Variants in MGAT4C observed in about 807,000 individuals in gnomAD.
MGAT4C encodes the protein alpha-1,3-mannosyl-glycoprotein 4-beta-N-acetylglucosaminyltransferase C.
In MGAT4C, 19 loss-of-function variants were observed where a neutral mutation model predicts 40.1. The observed-to-expected ratio is 0.47, with a 90% CI of 0.33 to 0.70. The LOEUF is 0.70. Among genes scored for constraint, MGAT4C ranks in the 30% least tolerant of loss-of-function variants. MGAT4C has a pLI of 0.02. For synonymous variants in MGAT4C, 181 were observed against 187.1 expected (o/e 0.97, Z 0.27); for missense variants, 491 against 563.2 (o/e 0.87, Z 1.30).
chr12:86,362,847 A>C (rs1955510247), intron 3 of MGAT4C, among the ~76,000 whole-genome samples: 3 of 137,148 alleles, frequency 2.2e-5, no homozygotes, highest in African/African-American at 8.4e-5. Context: ...CGCCTGGGTG[A>C]CAGAGCGAGA....
At chr12:86,050,159 A>G (rs867075923) in intron 1 of MGAT4C, among the ~76,000 whole-genome samples, 2 of 152,014 alleles carry the variant, frequency 1.3e-5, no homozygotes, top group African/African-American at 2.4e-5. Context: ...AAAGGTGCAC[A>G]GGCTAGTCTG....
chr12:86,660,553 C>A (rs889561960), intron 2 of MGAT4C, among the ~76,000 whole-genome samples: 1 of 152,048 alleles, frequency 6.6e-6, no homozygotes, highest in African/African-American at 2.4e-5. Flanking sequence ...TTTAAATTTT[C>A]TACAACATAA....
chr12:86,131,957 T>C (rs1474293549), intron 1 of MGAT4C, among the ~76,000 whole-genome samples: 1 of 152,120 alleles, frequency 6.6e-6, no homozygotes, highest in Non-Finnish European at 1.5e-5. Flanking sequence ...AAAACGAGAA[T>C]AGATAACACT....
intron 1 of MGAT4C, among the ~76,000 whole-genome samples, chr12:86,805,568 T>C (rs1357233343): frequency 6.6e-6 from 1 of 152,032 alleles, no homozygotes; most frequent in Admixed American, 6.6e-5. Context: ...TATGGCTGCA[T>C]AGAATTCCAT....
rs1393444493 is a variant in MGAT4C, at chr12:86,023,614, A to ATG, written c.-7+26058_-7+26059dup. Among the ~76,000 whole-genome samples the ATG allele has an allele frequency of 2.7e-5, 4 of 148,432 alleles. No homozygotes were observed. In the East Asian group the frequency reaches 7.8e-4, roughly 29 times the overall value. On this transcript the variant is annotated intron_variant, in intron 2 of 4. Coordinates refer to ENST00000611864, the MANE Select transcript of MGAT4C (RefSeq NM_001351288.2). The stretch of plus-strand genomic sequence containing the variant: ...ATTATATAAATACTTACGTAATCAT[A>ATG]TGTTTATATTTTACAAATATTTATT...
intron 1 of MGAT4C, among the ~76,000 whole-genome samples, chr12:86,102,200 C>G (rs1231735085): frequency 2.0e-5 from 3 of 151,758 alleles, no homozygotes; most frequent in African/African-American, 4.8e-5. Flanking sequence ...CAACAAATAC[C>G]TGCATATTGA....
chr12:86,700,584 G>T (rs1308081684), intron 2 of MGAT4C, among the ~76,000 whole-genome samples: 1 of 152,004 alleles, frequency 6.6e-6, no homozygotes, highest in African/African-American at 2.4e-5. Flanking sequence ...TCAAGAAAAG[G>T]TTACGTATGT....
intron 1 of MGAT4C, among the ~76,000 whole-genome samples, chr12:86,736,613 G>A (rs747104772): frequency 6.6e-6 from 1 of 151,670 alleles, no homozygotes; most frequent in Non-Finnish European, 1.5e-5. Flanking sequence ...TCTCCTTTAA[G>A]ATCATGAGCA....
intron 2 of MGAT4C, among the ~76,000 whole-genome samples, chr12:86,711,120 C>G (rs1266949726): frequency 6.6e-6 from 1 of 152,070 alleles, no homozygotes. Flanking sequence ...ACCAAAATCT[C>G]AGAAATCACC....
intron 1 of MGAT4C, among the ~76,000 whole-genome samples, chr12:86,194,197 A>G (rs1461751031): frequency 6.6e-6 from 1 of 152,166 alleles, no homozygotes; most frequent in Non-Finnish European, 1.5e-5. Flanking sequence ...AAGTCTGCTG[A>G]CAGTATCGTA....
chr12:86,391,789 G>A (rs1956165173), intron 3 of MGAT4C, among the ~76,000 whole-genome samples: 1 of 152,124 alleles, frequency 6.6e-6, no homozygotes, highest in Non-Finnish European at 1.5e-5. Context: ...GAACCCGGGA[G>A]GCGGAGCTTG....
intron 3 of MGAT4C, among the ~76,000 whole-genome samples, chr12:86,381,760 A>C (rs1232914739): frequency 1.3e-5 from 2 of 152,148 alleles, no homozygotes; most frequent in African/African-American, 4.8e-5. Flanking sequence ...CTCATCTTGA[A>C]TTCCCATGTG....
intron 2 of MGAT4C, among the ~76,000 whole-genome samples, chr12:86,515,381 A>G (rs1958665067): frequency 6.6e-6 from 1 of 152,198 alleles, no homozygotes; most frequent in South Asian, 2.1e-4. Flanking sequence ...TATACAAAAA[A>G]ATTCTACAGA....
chr12:86,216,761 T>TA (rs531899191), intron 1 of MGAT4C, among the ~76,000 whole-genome samples: 3 of 152,276 alleles, frequency 2.0e-5, no homozygotes, highest in Admixed American at 6.5e-5. Context: ...TAATCCTTGG[T>TA]AAAAAAATAT....
chr12:86,431,872 C>T (rs117388239), intron 3 of MGAT4C, among the ~76,000 whole-genome samples: 4,877 of 152,090 alleles, frequency 0.032, 127 homozygotes, highest in South Asian at 0.073. Flanking sequence ...TATTGATACA[C>T]GCTATAGGGT....
chr12:86,591,805 G>T (rs968246384), intron 2 of MGAT4C, among the ~76,000 whole-genome samples: 10 of 151,738 alleles, frequency 6.6e-5, no homozygotes, highest in Admixed American at 6.6e-4. Flanking sequence ...GAAATTCAAA[G>T]AATCATCTCA....
chr12:86,417,740 A>G (rs956538543), intron 3 of MGAT4C, among the ~76,000 whole-genome samples: 1 of 152,100 alleles, frequency 6.6e-6, no homozygotes, highest in Non-Finnish European at 1.5e-5. Flanking sequence ...TGTATATTTC[A>G]TGGATGAAGG....
At chr12:86,709,803 G>T (rs900553785) in intron 2 of MGAT4C, among the ~76,000 whole-genome samples, 1 of 152,044 alleles carries the variant, frequency 6.6e-6, no homozygotes, top group African/African-American at 2.4e-5. Context: ...TAATCACCCT[G>T]AAGAGATAGT....
At chr12:86,526,156 G>A (rs1958878053) in intron 2 of MGAT4C, among the ~76,000 whole-genome samples, 1 of 152,132 alleles carries the variant, frequency 6.6e-6, no homozygotes, top group African/African-American at 2.4e-5. Context: ...TGCTCAGGAT[G>A]GGGGAGGGTC....
Sources: gnomAD v4.1 joint callset for allele counts (sites outside exome capture counted in the v4.1 genomes callset) on GRCh38, gnomAD v4.1.1 for gene constraint, MANE v1.5 for transcripts, NCBI Gene and HGNC (gene_info 2026-07-23, HGNC 2026-07-21) for gene names.